TRPC3: variants seen among roughly 807,000 people sequenced by gnomAD.
The protein encoded by TRPC3 is short transient receptor potential channel 3.
A neutral mutation model predicts 90.9 loss-of-function variants in TRPC3; 54 were observed. The ratio of observed to expected loss-of-function variants is 0.59; its 90% CI spans 0.48 to 0.75. The LOEUF is 0.75. Among genes scored for constraint, TRPC3 ranks in the 30% least tolerant of loss-of-function variants. The pLI is 0.00. For missense variants in TRPC3, 918 were observed against 1,194.5 expected (o/e 0.77, Z 3.41); for synonymous variants, 424 against 450.9 (o/e 0.94, Z 0.75).
At chr4:121,904,288 A>C in intron 8 of TRPC3, 34 bp downstream of exon 8, 1 of 1,564,802 alleles carries the variant, frequency 6.4e-7, no homozygotes. Context: ...ATAGGATGAC[A>C]AGGATAGATA....
intron 10 of TRPC3, among the ~76,000 whole-genome samples, chr4:121,899,313 T>C (rs113775194): frequency 0.019 from 2,890 of 152,330 alleles, 46 homozygotes; most frequent in Middle Eastern, 0.071. Context: ...ATACATTATT[T>C]GGCAATTGTA....
At chr4:121,949,652 C>T (rs1730614970) in intron 1 of TRPC3, among the ~76,000 whole-genome samples, 1 of 152,154 alleles carries the variant, frequency 6.6e-6, no homozygotes, top group Non-Finnish European at 1.5e-5. Context: ...GAAGAGCTTG[C>T]TGCCCTGCCT....
chr4:121,918,717 G>A (rs1480421402), intron 3 of TRPC3, among the ~76,000 whole-genome samples: 1 of 151,978 alleles, frequency 6.6e-6, no homozygotes, highest in Non-Finnish European at 1.5e-5. Context: ...ACGACTTCAT[G>A]GATTCTGTCG....
intron 1 of TRPC3, among the ~76,000 whole-genome samples, chr4:121,941,059 T>A (rs912778597): frequency 3.3e-5 from 5 of 152,192 alleles, no homozygotes; most frequent in Admixed American, 2.6e-4. Flanking sequence ...TTTATCATGA[T>A]GCTGCTAGGG....
intron 1 of TRPC3, among the ~76,000 whole-genome samples, chr4:121,950,050 C>T (rs1177806880): frequency 1.3e-5 from 2 of 152,188 alleles, no homozygotes; most frequent in African/African-American, 4.8e-5. Context: ...CTTAGGGAGA[C>T]GGGGAAGTGA....
Position 121,951,866 on chromosome 4 carries a change from C to G in TRPC3, c.-186G>C, listed in dbSNP as rs893502633. The G allele has an allele frequency of 4.9e-6, 2 of 411,828 alleles. No homozygotes were observed. Among genetic ancestry groups the G allele is most frequent in the Non-Finnish European group, 8.3e-6 (2 of 241,700 alleles). 25.5% of individuals were successfully genotyped at this position (411,828 alleles called of 1,614,324 possible). Reference sequence around the variant, plus strand: ...CGATCCAGCAGTTAGAGGCTAGCGCCGAAGCCGAGCTGCCGCCGCCCACCA... The same window carrying G: ...CGATCCAGCAGTTAGAGGCTAGCGCGGAAGCCGAGCTGCCGCCGCCCACCA... On this transcript the variant is annotated 5_prime_UTR_variant, in exon 1 of 12. Coordinates refer to ENST00000379645, the MANE Select transcript of TRPC3 (RefSeq NM_001130698.2). This position sits in a 1 kb window ranked among gnomAD's most constrained non-coding sequence, Gnocchi z 4.4.
In TRPC3 at chr4:121,885,240, G is replaced by A. The variant is rs1364142490; in HGVS notation, c.2548-2811C>T. On this transcript the variant is annotated intron_variant, in intron 10 of 11. Transcript: ENST00000379645. ...CTAAAATGATCTGCAGCTCAGAGAA[G>A]GAGACAAAGATTGGCCATCCCCATT... Among the ~76,000 whole-genome samples, 9 of 152,130 alleles carry A rather than the reference G, an allele frequency of 5.9e-5. No homozygotes were observed. In the East Asian group the frequency reaches 9.6e-4, roughly 16 times the overall value.
At chr4:121,906,385 C>A (rs1446839288) in intron 7 of TRPC3, among the ~76,000 whole-genome samples, 2 of 152,090 alleles carry the variant, frequency 1.3e-5, no homozygotes, top group African/African-American at 2.4e-5. Context: ...GGGCAGGGAT[C>A]ACATTGTGTA....
chr4:121,946,561 G>A (rs1320569488), intron 1 of TRPC3, among the ~76,000 whole-genome samples: 1 of 152,186 alleles, frequency 6.6e-6, no homozygotes, highest in African/African-American at 2.4e-5. Flanking sequence ...CAGAAATTGT[G>A]ATAAACCATC....
chr4:121,915,144 A>T (rs1348273016), intron 3 of TRPC3, among the ~76,000 whole-genome samples, 200 bp from the exon 4 acceptor site: 1 of 152,190 alleles, frequency 6.6e-6, no homozygotes, highest in Non-Finnish European at 1.5e-5. Flanking sequence ...CTAATAGAAG[A>T]ATTAGAATGG....
intron 3 of TRPC3, among the ~76,000 whole-genome samples, chr4:121,916,529 C>T (rs1729323433): frequency 6.6e-6 from 1 of 152,078 alleles, no homozygotes; most frequent in Non-Finnish European, 1.5e-5. Context: ...GTAATTAGAT[C>T]ATGAGGGAGG....
chr4:121,922,371 T>G (rs1247632102), intron 3 of TRPC3, among the ~76,000 whole-genome samples: 4 of 152,236 alleles, frequency 2.6e-5, no homozygotes, highest in Admixed American at 6.5e-5. Context: ...ATACAGTTAT[T>G]GAGTGAAGAT....
intron 9 of TRPC3, among the ~76,000 whole-genome samples, chr4:121,900,940 C>A (rs1300448128): frequency 6.6e-6 from 1 of 152,158 alleles, no homozygotes; most frequent in African/African-American, 2.4e-5. Flanking sequence ...ACGATACAGG[C>A]AGGAGAGGAC....
intron 3 of TRPC3, among the ~76,000 whole-genome samples, chr4:121,921,742 G>A (rs563809990): frequency 6.6e-6 from 1 of 152,036 alleles, no homozygotes; most frequent in South Asian, 2.1e-4. Context: ...GCCAGAGTGG[G>A]CAGGGTTTGT....
chr4:121,914,997 C>A, intron 3 of TRPC3, 53 bp from the exon 4 acceptor site: 1 of 1,474,842 alleles, frequency 6.8e-7, no homozygotes, highest in East Asian at 2.3e-5. Context: ...GTTACCATAC[C>A]ATTGTCAATA....
chr4:121,917,429 C>T (rs1224351360), intron 3 of TRPC3, among the ~76,000 whole-genome samples: 2 of 152,134 alleles, frequency 1.3e-5, no homozygotes, highest in East Asian at 3.8e-4. Context: ...GTCCTTCATT[C>T]ATTCATTCAT....
chr4:121,890,778 T>A lies in TRPC3; in HGVS notation c.2548-8349A>T, dbSNP rs534221056. 2.6e-5 allele frequency among the ~76,000 whole-genome samples: 4 copies of A among 151,436 alleles called. No homozygotes were observed. In the East Asian group the frequency reaches 7.8e-4, roughly 30 times the overall value. On this transcript the variant is annotated intron_variant, in intron 10 of 11. Coordinates refer to ENST00000379645, the MANE Select transcript of TRPC3 (RefSeq NM_001130698.2). ...AGGCCGAGATGGGTGGATCATGAGG[T>A]CAGGAGATCGAGACTATCCTGGCTA...
rs573758997 is a variant in TRPC3 at position 121,939,011 on chromosome 4, A to C, written c.216-5969T>G. ...CAGATTCATTCTTCACTATCCTGTA[A>C]ACATATTATTCTGCCATTTCTGTAC... On this transcript the variant is annotated intron_variant, in intron 1 of 11. Coordinates refer to ENST00000379645, the MANE Select transcript of TRPC3 (RefSeq NM_001130698.2). Among the ~76,000 whole-genome samples, 40 of 152,274 alleles carry C rather than the reference A, an allele frequency of 2.6e-4. 1 individual carries two copies.
At chr4:121,942,941 T>C (rs1275933831) in intron 1 of TRPC3, among the ~76,000 whole-genome samples, 3 of 152,246 alleles carry the variant, frequency 2.0e-5, no homozygotes, top group African/African-American at 2.4e-5. Flanking sequence ...TAGATGTTTA[T>C]GCTTCTAGGA....
Sources: gnomAD v4.1 joint callset for allele counts (sites outside exome capture counted in the v4.1 genomes callset) on GRCh38, gnomAD v4.1.1 for gene constraint, Gnocchi (gnomAD v3.1) non-coding constraint, MANE v1.5 for transcripts, NCBI Gene and HGNC (gene_info 2026-07-23, HGNC 2026-07-21) for gene names.